The following XDH variants were observed in gnomAD, a reference collection of about 807,000 sequenced individuals.
XDH encodes xanthine dehydrogenase/oxidase.
XDH carries 138 observed loss-of-function variants against 156.1 expected under a neutral mutation model. The ratio of observed to expected loss-of-function variants is 0.88; its 90% CI spans 0.77 to 1.02. The LOEUF (loss-of-function observed/expected upper bound fraction) is 1.02. Ranked by LOEUF, XDH falls within the 50% of genes least tolerant of loss-of-function variation. XDH has a pLI of 0.00. For missense variants in XDH, 1,849 were observed against 1,684.9 expected, an observed-to-expected ratio of 1.10 and a Z score of -1.71; for synonymous variants, 669 against 625.7, an observed-to-expected ratio of 1.07 and a Z score of -1.03.
At chr2:31,401,154 G>T in intron 4 of XDH, 66 bp downstream of exon 4, 2 of 1,575,480 alleles carry the variant, frequency 1.3e-6, no homozygotes, top group East Asian at 2.3e-5. Context: ...CTGCAACTTT[G>T]GCATGAGCCT....
At chr2:31,378,861 A>AT (rs1280935907) in intron 13 of XDH, among the ~76,000 whole-genome samples, 1 of 151,936 alleles carries the variant, frequency 6.6e-6, no homozygotes, top group Admixed American at 6.6e-5. Context: ...ATTAAAAAAA[A>AT]AAAGTTTACT....
intron 16 of XDH, among the ~76,000 whole-genome samples, chr2:31,373,014 T>C (rs1686120137): frequency 6.6e-6 from 1 of 152,224 alleles, no homozygotes; most frequent in Admixed American, 6.5e-5. Flanking sequence ...AAAGTAATCA[T>C]AACAATGGCT....
intron 24 of XDH, among the ~76,000 whole-genome samples, chr2:31,350,801 T>C (rs1236556739): frequency 6.6e-6 from 1 of 152,184 alleles, no homozygotes; most frequent in Non-Finnish European, 1.5e-5. Context: ...TTTTAAAAAT[T>C]CATTGTAAAT....
At chr2:31,339,896 G>T (rs970480168) in intron 33 of XDH, among the ~76,000 whole-genome samples, 1 of 152,204 alleles carries the variant, frequency 6.6e-6, no homozygotes, top group Non-Finnish European at 1.5e-5. Context: ...TAACACGGAA[G>T]GTCAGTGATT....
intron 23 of XDH, among the ~76,000 whole-genome samples, chr2:31,364,651 G>T (rs1412416616): frequency 6.6e-6 from 1 of 152,162 alleles, no homozygotes; most frequent in East Asian, 1.9e-4. Flanking sequence ...GACACAAAAA[G>T]TTTCATTTCA....
chr2:31,368,049 T>C lies in XDH; in HGVS notation c.2109A>G (p.Ile703Met). ...CAGGTCCATAAAAGGAGTTGTTCTT[T>C]ATAGCATCCTGAGGATCACAAAGAA... The part of the protein sequence containing the change: ...LPAIITIEDA[I>M]KNNSFYGPEL... The change falls in exon 20 of 36, where the codon ATA becomes ATG. Residue 703 changes from isoleucine to methionine, a missense_variant. Transcript: ENST00000379416. 6.2e-7 allele frequency: 1 copy of C among 1,614,124 alleles called. No homozygotes were observed. Among genetic ancestry groups the C allele is most frequent in the Non-Finnish European group, 8.5e-7 (1 of 1,179,942 alleles).
rs760327853 is a variant in XDH at position 31,337,734 on chromosome 2, G to A, written c.3858C>T (p.His1286=). 6.2e-7 allele frequency: 1 copy of A among 1,614,228 alleles called. No individual in the cohort carries two copies. The highest frequency in any genetic ancestry group is 1.1e-5 in the South Asian group (1 of 91,086). The change falls in exon 35 of 36, where the codon CAC becomes CAT. Residue 1286 remains histidine, a synonymous_variant. Transcript: ENST00000379416. ...KDAIRAARAQ[H]TGNNVKELFR... ...AGAGTTCCTTCACGTTATTACCTGT[G>A]TGCTGAGCTCGAGCTGCACGGATGG...
intron 11 of XDH, among the ~76,000 whole-genome samples, chr2:31,382,113 C>T (rs1163502415): frequency 1.3e-5 from 2 of 152,130 alleles, no homozygotes; most frequent in Non-Finnish European, 1.5e-5. Flanking sequence ...GAACAATTTG[C>T]TCTATTTGGA....
At chr2:31,348,133 G>A (rs994340992) in intron 28 of XDH, 135 bp downstream of exon 28, 38 of 889,018 alleles carry the variant, frequency 4.3e-5, no homozygotes, top group Middle Eastern at 4.6e-4. Flanking sequence ...AGACTTGCCC[G>A]AGGCTACACG....
chr2:31,396,279 G>A (rs570659206), intron 6 of XDH, among the ~76,000 whole-genome samples: 37 of 152,230 alleles, frequency 2.4e-4, no homozygotes, highest in Non-Finnish European at 3.1e-4. Context: ...GAAGGCAACT[G>A]CTATACTCAA....
At chr2:31,354,265 C>A (rs1490240192) in intron 24 of XDH, among the ~76,000 whole-genome samples, 1 of 152,108 alleles carries the variant, frequency 6.6e-6, no homozygotes, top group African/African-American at 2.4e-5. Flanking sequence ...TCAGAAGGAG[C>A]CAATTAAAAT....
In XDH at chr2:31,334,737, T is replaced by A. The variant is rs913617504; in HGVS notation, c.*1221A>T. 7 of 152,076 alleles carry A rather than the reference T, an allele frequency of 4.6e-5. No individual in the cohort carries two copies. Among genetic ancestry groups the A allele is most frequent in the African/African-American group, 1.7e-4 (7 of 41,400 alleles). The allele number at this position is 152,076 out of a possible 1,614,324, so 9.4% of individuals were successfully genotyped here. A position where few individuals can be genotyped will look rare whatever the true frequency, so the allele number is the denominator to read the frequency against. On this transcript the variant is annotated 3_prime_UTR_variant, in exon 36 of 36. Transcript: ENST00000379416. ...TGCAACCCTTATGTTTGCAGTAAAA[T>A]GGATCACAGGAAGGGGAATTGACAG...
rs866369042 is a variant in XDH at position 31,379,976 on chromosome 2, C to G, written c.1133G>C (p.Gly378Ala). ...SGAKLTLVSR[G>A]TRRTVQMDHT... ...GTCCATCTGGACAGTTCTCCTGGTG[C>G]CTGTACAGAAGCAAGATGAAGAGGA... is the stretch of plus-strand genomic sequence containing the variant. The change falls in exon 13 of 36, where the codon GGC becomes GCC. Residue 378 changes from glycine to alanine, a missense_variant and splice_region_variant. By Grantham distance (60) the Gly-to-Ala change is moderately conservative. Coordinates refer to ENST00000379416, the MANE Select transcript of XDH (RefSeq NM_000379.4). 1 of 1,613,804 alleles carries G rather than the reference C, an allele frequency of 6.2e-7. No homozygotes were observed. The highest frequency in any genetic ancestry group is 8.5e-7 in the Non-Finnish European group (1 of 1,179,950).
intron 1 of XDH, among the ~76,000 whole-genome samples, chr2:31,409,333 T>C (rs570084026): frequency 2.0e-5 from 3 of 152,332 alleles, no homozygotes; most frequent in Admixed American, 6.5e-5. Flanking sequence ...CTTGAGGAGA[T>C]GAATACCACA....
At chr2:31,346,636 CA>C in intron 30 of XDH, 132 bp downstream of exon 30, 2 of 1,117,634 alleles carry the variant, frequency 1.8e-6, no homozygotes, top group Non-Finnish European at 2.7e-6. Context: ...TAAAATCACA[CA>C]AACCACCTCA....
chr2:31,348,619 T>A (rs1377904398), intron 27 of XDH, among the ~76,000 whole-genome samples: 1 of 152,212 alleles, frequency 6.6e-6, no homozygotes, highest in Non-Finnish European at 1.5e-5. Flanking sequence ...CCTCACTCTG[T>A]AAGTGAAGAA....
chr2:31,344,757 T>C (rs1685235095), intron 30 of XDH, 21 bp from the exon 31 acceptor site: 1 of 1,613,850 alleles, frequency 6.2e-7, no homozygotes, highest in African/African-American at 1.3e-5. Flanking sequence ...GAGATGGCCA[T>C]CAGGCAGGTG....
At position 31,374,082 on chromosome 2, in the gene XDH, A is replaced by G; in HGVS notation, c.1603-126T>C. The G allele has an allele frequency of 5.1e-6, 5 of 989,482 alleles. No homozygotes were observed. In the South Asian group the frequency reaches 7.1e-5, roughly 14 times the overall value. 61.3% of individuals were successfully genotyped at this position (989,482 alleles called of 1,614,324 possible). A position where few individuals can be genotyped will look rare whatever the true frequency, so the allele number is the denominator to read the frequency against. ...TGTCTCTTCACTTCATACGCCTTTG[A>G]GTGCTGGCTGGATCTCTCAGCATCC... On this transcript the variant is annotated intron_variant, in intron 15 of 35. Transcript: ENST00000379416.
chr2:31,378,953 T>G (rs746484923), intron 13 of XDH, among the ~76,000 whole-genome samples: 1 of 152,042 alleles, frequency 6.6e-6, no homozygotes, highest in Non-Finnish European at 1.5e-5. Context: ...AGAAACCACC[T>G]CAGGGATATA....
Sources: allele counts gnomAD v4.1 joint callset (sites outside exome capture counted in the v4.1 genomes callset), GRCh38; gene constraint gnomAD v4.1.1; transcripts MANE v1.5; gene names NCBI Gene and HGNC (gene_info 2026-07-23, HGNC 2026-07-21).